Variants in METTL15 observed in about 807,000 individuals in gnomAD.
The protein encoded by METTL15 is 12S rRNA N(4)-cytidine methyltransferase METTL15.
Under a neutral mutation model 38.3 loss-of-function variants are expected in METTL15, and 34 were observed. The observed-to-expected ratio is 0.89, with a 90% CI of 0.68 to 1.18. The LOEUF (loss-of-function observed/expected upper bound fraction) is 1.18. Among genes scored for constraint, METTL15 ranks in the 50% most tolerant of loss-of-function variants. The pLI is 0.00. For missense variants in METTL15, 438 were observed against 498.4 expected (o/e 0.88, Z 1.15); for synonymous variants, 162 against 170.9 (o/e 0.95, Z 0.41).
At chr11:28,114,616 A>G (rs1851863505) in intron 3 of METTL15, among the ~76,000 whole-genome samples, 1 of 151,904 alleles carries the variant, frequency 6.6e-6, no homozygotes, top group African/African-American at 2.4e-5. Flanking sequence ...GTGGCCGGCT[A>G]ATTTTTGTAT....
At chr11:28,168,324 G>A (rs1565137768) in intron 3 of METTL15, among the ~76,000 whole-genome samples, 1 of 151,552 alleles carries the variant, frequency 6.6e-6, no homozygotes. Context: ...AGCAATTACT[G>A]CTGTAATTGA....
intron 6 of METTL15, among the ~76,000 whole-genome samples, chr11:28,321,054 T>G (rs938143216): frequency 1.1e-4 from 17 of 152,186 alleles, no homozygotes; most frequent in Admixed American, 4.6e-4. Context: ...TTACCCGCTC[T>G]CCATTAGTCC....
intron 6 of METTL15, among the ~76,000 whole-genome samples, chr11:28,311,453 A>C (rs61889054): frequency 0.22 from 34,034 of 152,086 alleles, 4,027 homozygotes; most frequent in Non-Finnish European, 0.24. Flanking sequence ...CATATGCCTA[A>C]CTAGCATTTG....
intron 5 of METTL15, among the ~76,000 whole-genome samples, chr11:28,380,246 C>T (rs1850367690): frequency 6.7e-6 from 1 of 148,810 alleles, no homozygotes; most frequent in African/African-American, 2.5e-5. Context: ...CGGCTCACTG[C>T]AAGCTCTGCT....
At chr11:28,375,949 T>C (rs145948308) in intron 5 of METTL15, among the ~76,000 whole-genome samples, 8,344 of 152,150 alleles carry the variant, frequency 0.055, 401 homozygotes, top group African/African-American at 0.13. Flanking sequence ...AGGAGCAGGT[T>C]GTTCAGTTTC....
intron 4 of METTL15, among the ~76,000 whole-genome samples, chr11:28,228,239 G>T (rs1853557672): frequency 6.6e-6 from 1 of 151,838 alleles, no homozygotes; most frequent in African/African-American, 2.4e-5. Context: ...ATCTGCTTTA[G>T]TATCTGACTG....
At chr11:28,383,270 A>AAC (rs1850407669) in intron 5 of METTL15, among the ~76,000 whole-genome samples, 1 of 152,096 alleles carries the variant, frequency 6.6e-6, no homozygotes, top group Non-Finnish European at 1.5e-5. Flanking sequence ...CTTCAGCTCC[A>AAC]TCCATGTTGC....
At chr11:28,130,361 A>C (rs1025499057) in intron 3 of METTL15, among the ~76,000 whole-genome samples, 1 of 152,072 alleles carries the variant, frequency 6.6e-6, no homozygotes, top group East Asian at 1.9e-4. Context: ...GCGTAGGGTG[A>C]TATGTGTGAG....
intron 6 of METTL15, among the ~76,000 whole-genome samples, chr11:28,299,371 A>T (rs1856840088): frequency 6.6e-6 from 1 of 152,044 alleles, no homozygotes; most frequent in Non-Finnish European, 1.5e-5. Flanking sequence ...AATTTTTTTT[A>T]AGTGATTCAC....
intron 5 of METTL15, among the ~76,000 whole-genome samples, chr11:28,402,388 T>C (rs1439306302): frequency 1.3e-5 from 2 of 151,944 alleles, no homozygotes; most frequent in African/African-American, 4.8e-5. Flanking sequence ...CAATCACTAC[T>C]CCCTACCCAA....
rs1242461640 is a variant in METTL15 at position 28,431,094 on chromosome 11, C to T, written c.*424+6730C>T. Among the ~76,000 whole-genome samples, 45 of 62,912 alleles carry T rather than the reference C, an allele frequency of 7.2e-4. 9 individuals are homozygous for T. The highest frequency in any genetic ancestry group is 1.6e-3 in the African/African-American group (37 of 22,484). The allele number at this position is 62,912 out of a possible 152,430, so 41.3% of individuals were successfully genotyped here. A position where few individuals can be genotyped will look rare whatever the true frequency, so the allele number is the denominator to read the frequency against. On this transcript the variant is annotated intron_variant and NMD_transcript_variant, in intron 6 of 7. Coordinates refer to the METTL15 transcript ENST00000532947. Reference sequence around the variant, plus strand: ...GAGGTGAGGGGCGCCTCTGCCCGGCCGCCCCTACTGGGAAGTGAGGAGCCC... The same window carrying T: ...GAGGTGAGGGGCGCCTCTGCCCGGCTGCCCCTACTGGGAAGTGAGGAGCCC...
intron 4 of METTL15, among the ~76,000 whole-genome samples, chr11:28,243,665 TG>T (rs1157746490): frequency 6.6e-6 from 1 of 152,160 alleles, no homozygotes; most frequent in African/African-American, 2.4e-5. Context: ...ATGATAGCAC[TG>T]TATAAAGTAT....
chr11:28,411,049 G>T (rs1427022483), intron 5 of METTL15, among the ~76,000 whole-genome samples: 3 of 151,962 alleles, frequency 2.0e-5, no homozygotes, highest in Non-Finnish European at 4.4e-5. Context: ...AACCAAGGAG[G>T]TGAAAGATTT....
At chr11:28,302,227 T>C (rs549920180) in intron 6 of METTL15, among the ~76,000 whole-genome samples, 2 of 152,292 alleles carry the variant, frequency 1.3e-5, no homozygotes, top group East Asian at 3.9e-4. Flanking sequence ...CAATACTTTT[T>C]CAATGTTAAT....
intron 6 of METTL15, among the ~76,000 whole-genome samples, chr11:28,468,570 A>G (rs946491520): frequency 6.6e-6 from 1 of 152,180 alleles, no homozygotes; most frequent in African/African-American, 2.4e-5. Flanking sequence ...TTCTATGCAA[A>G]ATAGTATTAT....
At chr11:28,378,332 G>A (rs1279730798) in intron 5 of METTL15, among the ~76,000 whole-genome samples, 2 of 152,248 alleles carry the variant, frequency 1.3e-5, no homozygotes, top group Non-Finnish European at 2.9e-5. Flanking sequence ...GACCCTCTGA[G>A]CCAGGTGCGG....
chr11:28,512,230 C>T (rs1851680755), intron 6 of METTL15, among the ~76,000 whole-genome samples: 1 of 152,244 alleles, frequency 6.6e-6, no homozygotes, highest in Non-Finnish European at 1.5e-5. Context: ...CATAAAGGTT[C>T]TCCAAGTCCC....
chr11:28,450,516 TA>T (rs1296567852), intron 6 of METTL15, among the ~76,000 whole-genome samples: 2 of 152,200 alleles, frequency 1.3e-5, no homozygotes, highest in East Asian at 1.9e-4. Flanking sequence ...TTTATAAAGG[TA>T]AAAGCTTATT....
downstream of METTL15, among the ~76,000 whole-genome samples, chr11:28,335,957 C>T (rs1476719472): frequency 2.0e-5 from 3 of 152,222 alleles, no homozygotes; most frequent in South Asian, 4.1e-4. Flanking sequence ...CAGTTCTGGA[C>T]GTATAGTAAA....
Sources: gnomAD v4.1 joint callset for allele counts (sites outside exome capture counted in the v4.1 genomes callset) on GRCh38, gnomAD v4.1.1 for gene constraint, MANE v1.5 for transcripts, NCBI Gene and HGNC (gene_info 2026-07-23, HGNC 2026-07-21) for gene names.